The following CAB39 variants were observed in gnomAD, a reference collection of about 807,000 sequenced individuals.
The protein encoded by CAB39 is calcium binding protein 39.
Under a neutral mutation model 40.0 loss-of-function variants are expected in CAB39, and 8 were observed. That is an observed-to-expected ratio of 0.20 (90% CI 0.12 to 0.36). The LOEUF (loss-of-function observed/expected upper bound fraction) is 0.36. Ranked by LOEUF, CAB39 falls within the 10% of genes least tolerant of loss-of-function variation. The pLI is 1.00. For synonymous variants in CAB39, 156 were observed against 141.6 expected, an observed-to-expected ratio of 1.10 and a Z score of -0.72; for missense variants, 270 against 401.1, an observed-to-expected ratio of 0.67 and a Z score of 2.79.
chr2:230,795,772 A>G (rs947676146), intron 4 of CAB39, among the ~76,000 whole-genome samples: 13 of 152,182 alleles, frequency 8.5e-5, no homozygotes, highest in Admixed American at 5.9e-4. Flanking sequence ...AATTGTTTCT[A>G]TAAAGAAGAA....
At chr2:230,734,422 G>A (rs546971659) in intron 1 of CAB39, among the ~76,000 whole-genome samples, 44 of 152,220 alleles carry the variant, frequency 2.9e-4, no homozygotes, top group African/African-American at 1.0e-3. Context: ...CTAACCTCTC[G>A]GTTAGGTTGT....
intron 1 of CAB39, among the ~76,000 whole-genome samples, chr2:230,749,632 C>G (rs1239073173): frequency 6.6e-6 from 1 of 152,156 alleles, no homozygotes; most frequent in East Asian, 1.9e-4. Context: ...GAGTTGTAGA[C>G]ATTTTTTCAT....
At position 230,814,132 on chromosome 2, in the gene CAB39, G is replaced by C. The variant is rs1171669172; in HGVS notation, c.693+18G>C. ...CACTGAAGGTATGACAGACCATTTT[G>C]TATAGCTTATTTCTCTGTACCTTGT... On this transcript the variant is annotated intron_variant, in intron 7 of 8. Coordinates refer to ENST00000258418, the MANE Select transcript of CAB39 (RefSeq NM_016289.4). 2 of 1,275,392 alleles carry C rather than the reference G, an allele frequency of 1.6e-6. No homozygotes were observed. The highest frequency in any genetic ancestry group is 2.2e-6 in the Non-Finnish European group (2 of 897,754). The allele number at this position is 1,275,392 out of a possible 1,614,324, so 79.0% of individuals were successfully genotyped here. A position where few individuals can be genotyped will look rare whatever the true frequency, so the allele number is the denominator to read the frequency against.
At chr2:230,750,110 CATTCTACAAAT>C (rs1365952292) in intron 1 of CAB39, among the ~76,000 whole-genome samples, 2 of 152,182 alleles carry the variant, frequency 1.3e-5, no homozygotes, top group East Asian at 1.9e-4. Flanking sequence ...AATAATAGTT[CATTCTACAAAT>C]ATTCTACAAA....
At chr2:230,749,208 T>C (rs1695042571) in intron 1 of CAB39, among the ~76,000 whole-genome samples, 1 of 152,020 alleles carries the variant, frequency 6.6e-6, no homozygotes, top group Non-Finnish European at 1.5e-5. Context: ...GTTAATGCAT[T>C]GTAATCATTA....
chr2:230,820,075 T>C lies in CAB39; in HGVS notation c.*1371T>C, dbSNP rs74356364. 4.1e-4 allele frequency: 63 copies of C among 152,804 alleles called. No individual in the cohort carries two copies. The East Asian group carries it at 0.012, about 28-fold the overall frequency. 9.5% of individuals were successfully genotyped at this position (152,804 alleles called of 1,614,324 possible). On this transcript the variant is annotated 3_prime_UTR_variant, in exon 9 of 9. Coordinates refer to ENST00000258418, the MANE Select transcript of CAB39 (RefSeq NM_016289.4). ...AAAGTAACTGATTTTGCACCACTTT[T>C]TTGTTACTGTGACCACGGCAGAACA... is the stretch of plus-strand genomic sequence containing the variant.
intron 2 of CAB39, among the ~76,000 whole-genome samples, chr2:230,768,495 C>T (rs1202746379): frequency 6.6e-6 from 1 of 152,096 alleles, no homozygotes; most frequent in Non-Finnish European, 1.5e-5. Context: ...TCACTGTGAG[C>T]TTGTTGGCAG....
intron 1 of CAB39, 40 bp from the exon 2 acceptor site, chr2:230,759,919 T>A: frequency 1.5e-6 from 1 of 669,912 alleles, no homozygotes; most frequent in South Asian, 2.1e-5. Context: ...CTTCCGTTGA[T>A]CCCAGTGTTT....
At position 230,820,603 on chromosome 2, in the gene CAB39, C is replaced by T. The variant is rs1396401505; in HGVS notation, c.*1899C>T. ...CATGGATTACACCAAGTGGAAGAAA[C>T]GTCTTCTTGCCAAGCTCATTCTTAG... is the stretch of plus-strand genomic sequence containing the variant. On this transcript the variant is annotated 3_prime_UTR_variant, in exon 9 of 9. Coordinates refer to ENST00000258418, the MANE Select transcript of CAB39 (RefSeq NM_016289.4). The T allele has an allele frequency of 6.6e-6, 1 of 152,502 alleles. No homozygotes were observed. Among genetic ancestry groups the T allele is most frequent in the Non-Finnish European group, 1.5e-5 (1 of 68,040 alleles). 9.4% of individuals were successfully genotyped at this position (152,502 alleles called of 1,614,324 possible).
At chr2:230,753,275 C>CA (rs1695121295) in intron 1 of CAB39, among the ~76,000 whole-genome samples, 1 of 152,128 alleles carries the variant, frequency 6.6e-6, no homozygotes, top group Non-Finnish European at 1.5e-5. Flanking sequence ...AATATGTTAA[C>CA]AGCCCCCCAC....
At chr2:230,739,382 A>G (rs1694838141) in intron 1 of CAB39, among the ~76,000 whole-genome samples, 1 of 152,264 alleles carries the variant, frequency 6.6e-6, no homozygotes, top group African/African-American at 2.4e-5. Context: ...CATTGTAGGT[A>G]AAACTAAAGA....
At chr2:230,787,315 C>A (rs1198322905) in intron 2 of CAB39, among the ~76,000 whole-genome samples, 1 of 152,136 alleles carries the variant, frequency 6.6e-6, no homozygotes, top group East Asian at 1.9e-4. Context: ...TCTATTCATG[C>A]GTCATTCCTT....
chr2:230,769,486 C>G lies in CAB39; in HGVS notation c.114+9371C>G, dbSNP rs972996773. ...TTCTTTTGAAGTTCACATGGAAGAT[C>G]TACCAAGGTAGACCATATTTTGGGT... On this transcript the variant is annotated intron_variant, in intron 2 of 8. Coordinates refer to ENST00000258418, the MANE Select transcript of CAB39 (RefSeq NM_016289.4). Among the ~76,000 whole-genome samples, 17 of 152,138 alleles carry G rather than the reference C, an allele frequency of 1.1e-4. No individual in the cohort carries two copies. In the East Asian group the frequency reaches 2.9e-3, roughly 26 times the overall value.
In CAB39 at chr2:230,734,932, C is replaced by T. The variant is rs73111551; in HGVS notation, c.-44+21702C>T. ...GGTCTAAACCACCAATATTTGGTGGCGGTGGTGGGGTTGTGTTTTCTGTTG... is the reference window on the plus strand; with the variant it reads ...GGTCTAAACCACCAATATTTGGTGGTGGTGGTGGGGTTGTGTTTTCTGTTG... On this transcript the variant is annotated intron_variant, in intron 1 of 8. Transcript: ENST00000258418. Among the ~76,000 whole-genome samples the T allele has an allele frequency of 6.2e-3, 948 of 152,196 alleles. 5 individuals carry two copies. Among genetic ancestry groups the T allele is most frequent in the African/African-American group, 0.021 (891 of 41,524 alleles).
chr2:230,747,536 A>C (rs1309875413), intron 1 of CAB39, among the ~76,000 whole-genome samples: 1 of 152,254 alleles, frequency 6.6e-6, no homozygotes, highest in Non-Finnish European at 1.5e-5. Flanking sequence ...CTGTAGAAGG[A>C]AAAGGTAGTG....
intron 1 of CAB39, among the ~76,000 whole-genome samples, chr2:230,750,111 A>T (rs920324769): frequency 6.6e-6 from 1 of 152,260 alleles, no homozygotes; most frequent in Non-Finnish European, 1.5e-5. Context: ...ATAATAGTTC[A>T]TTCTACAAAT....
intron 2 of CAB39, among the ~76,000 whole-genome samples, chr2:230,790,225 A>G (rs1695869617): frequency 6.6e-6 from 1 of 150,952 alleles, no homozygotes; most frequent in Admixed American, 6.7e-5. Flanking sequence ...CCTGGGCGAC[A>G]GCACGAGACC....
At position 230,790,810 on chromosome 2, in the gene CAB39, TTA is replaced by T. The variant is rs1491474309; in HGVS notation, c.115-58_115-57del. On this transcript the variant is annotated intron_variant, in intron 2 of 8. Transcript: ENST00000258418. ...AGGTGATTTGACAAATTTTGACGTG[TTA>T]TATGTTTGTTAAAATGAATTGTTTT... 4.3e-6 allele frequency: 6 copies of T among 1,403,688 alleles called. No homozygotes were observed. In the East Asian group the frequency reaches 1.1e-4, roughly 27 times the overall value. 87.0% of individuals were successfully genotyped at this position (1,403,688 alleles called of 1,614,324 possible).
At chr2:230,755,854 A>G (rs140856492) in intron 1 of CAB39, among the ~76,000 whole-genome samples, 147 of 152,328 alleles carry the variant, frequency 9.7e-4, no homozygotes, top group African/African-American at 3.2e-3. Flanking sequence ...GTTATGGTGA[A>G]ATATATCTTT....
Sources: allele counts gnomAD v4.1 joint callset (sites outside exome capture counted in the v4.1 genomes callset), GRCh38; gene constraint gnomAD v4.1.1; transcripts MANE v1.5; gene names NCBI Gene and HGNC (gene_info 2026-07-23, HGNC 2026-07-21).